CADM2: variants seen among roughly 807,000 people sequenced by gnomAD.
CADM2 encodes immunoglobulin superfamily member 4D.
Under a neutral mutation model 49.8 loss-of-function variants are expected in CADM2, and 12 were observed. The ratio of observed to expected loss-of-function variants is 0.24; its 90% confidence interval spans 0.15 to 0.39. The LOEUF (loss-of-function observed/expected upper bound fraction) is 0.39, where lower values mean the gene tolerates loss of function less well. CADM2 is among the 10% of genes least tolerant of loss of function. The probability of loss-of-function intolerance (pLI) is 1.00; values close to 1 mark genes in which losing one functional copy is unlikely to be tolerated. For missense variants in CADM2, 378 were observed against 492.3 expected (o/e 0.77, Z 2.20); for synonymous variants, 214 against 175.4 (o/e 1.22, Z -1.74).
chr3:86,025,244 C>T (rs909639909), intron 8 of CADM2, among the ~76,000 whole-genome samples: 2 of 151,926 alleles, frequency 1.3e-5, no homozygotes, highest in African/African-American at 4.8e-5. Context: ...TTTAGTAGAG[C>T]CAGGGTTTCA....
At chr3:85,365,182 G>GTTTTTTTTTTTTTTTTTTTTTTTTTTT (rs757075256) in intron 1 of CADM2, among the ~76,000 whole-genome samples, 1 of 100,584 alleles carries the variant, frequency 9.9e-6, no homozygotes. Flanking sequence ...AATTGGGAGG[G>GTTTTTTTTTTTTTTTTTTTTTTTTTTT]TTTTTTTTTT....
At chr3:85,578,735 A>T (rs2062713530) in intron 1 of CADM2, among the ~76,000 whole-genome samples, 1 of 152,220 alleles carries the variant, frequency 6.6e-6, no homozygotes, top group African/African-American at 2.4e-5. Flanking sequence ...TTTAAATTTC[A>T]ATTAAATCAG....
Position 86,068,959 on chromosome 3 carries a change from A to G in CADM2, c.*2176A>G, listed in dbSNP as rs1330877009. The G allele has an allele frequency of 6.6e-6, 1 of 152,078 alleles. No individual in the cohort carries two copies. Among genetic ancestry groups the G allele is most frequent in the Non-Finnish European group, 1.5e-5 (1 of 67,866 alleles). 9.4% of individuals were successfully genotyped at this position (152,078 alleles called of 1,614,324 possible). On this transcript the variant is annotated 3_prime_UTR_variant, in exon 10 of 10. Transcript: ENST00000383699. ...ACTAGAATAGGTTTATAAACTGTTCATATCTTTCAATGCATAATCTTTAGA... is the reference window on the plus strand; with the variant it reads ...ACTAGAATAGGTTTATAAACTGTTCGTATCTTTCAATGCATAATCTTTAGA...
chr3:85,955,074 T>A (rs866989717), intron 7 of CADM2, among the ~76,000 whole-genome samples: 6 of 151,400 alleles, frequency 4.0e-5, no homozygotes, highest in African/African-American at 1.5e-4. Flanking sequence ...ATAAAGTTAC[T>A]GACTATATGA....
chr3:85,582,837 G>A (rs1238248747), intron 1 of CADM2, among the ~76,000 whole-genome samples: 1 of 152,130 alleles, frequency 6.6e-6, no homozygotes, highest in East Asian at 1.9e-4. Flanking sequence ...CTAATAGAGT[G>A]AATGAAATGG....
intron 2 of CADM2, among the ~76,000 whole-genome samples, chr3:85,793,488 G>A (rs1373624211): frequency 6.6e-6 from 1 of 152,160 alleles, no homozygotes; most frequent in African/African-American, 2.4e-5. Context: ...TCAAGGATGG[G>A]TTTCAGAGGT....
At chr3:85,296,097 T>C (rs1293567223) in intron 1 of CADM2, among the ~76,000 whole-genome samples, 2 of 152,220 alleles carry the variant, frequency 1.3e-5, no homozygotes, top group East Asian at 3.9e-4. Context: ...GATATTATAA[T>C]ATTTAACATG....
intron 1 of CADM2, among the ~76,000 whole-genome samples, chr3:85,300,623 G>A (rs1006297376): frequency 2.0e-5 from 3 of 152,062 alleles, no homozygotes; most frequent in African/African-American, 7.2e-5. Context: ...GAAACTAGAG[G>A]TCAAGTTGCT....
intron 1 of CADM2, among the ~76,000 whole-genome samples, chr3:85,100,469 C>T (rs931930985): frequency 5.9e-5 from 9 of 152,140 alleles, no homozygotes; most frequent in African/African-American, 2.2e-4. Flanking sequence ...AATAAAGCAT[C>T]AACCAAAACT....
intron 1 of CADM2, among the ~76,000 whole-genome samples, chr3:85,588,088 A>G (rs903341693): frequency 6.6e-6 from 1 of 151,996 alleles, no homozygotes; most frequent in Non-Finnish European, 1.5e-5. Flanking sequence ...AAGAAGGGGT[A>G]ATTTGTAAAA....
chr3:85,231,820 C>T (rs1299728521), intron 1 of CADM2, among the ~76,000 whole-genome samples: 1 of 150,264 alleles, frequency 6.7e-6, no homozygotes, highest in South Asian at 2.1e-4. Context: ...TCAAGTGATT[C>T]TCCTTCCTCA....
intron 1 of CADM2, among the ~76,000 whole-genome samples, chr3:85,300,940 A>G (rs1215031180): frequency 6.6e-6 from 1 of 152,086 alleles, no homozygotes; most frequent in African/African-American, 2.4e-5. Flanking sequence ...GAAAGTAGGA[A>G]TGAGAGTTAC....
chr3:85,408,473 T>A (rs1393704891), intron 1 of CADM2, among the ~76,000 whole-genome samples: 1 of 152,224 alleles, frequency 6.6e-6, no homozygotes, highest in Non-Finnish European at 1.5e-5. Flanking sequence ...CAGAATTTGT[T>A]AAGTTTTGAT....
intron 1 of CADM2, among the ~76,000 whole-genome samples, chr3:85,171,484 A>G (rs1170449668): frequency 1.3e-5 from 2 of 152,198 alleles, no homozygotes; most frequent in Non-Finnish European, 2.9e-5. Flanking sequence ...TTTCACATTT[A>G]AAGTGCTGTA....
chr3:85,934,863 A>G (rs963101295), intron 6 of CADM2, among the ~76,000 whole-genome samples: 6 of 152,014 alleles, frequency 3.9e-5, no homozygotes, highest in African/African-American at 4.8e-5. Context: ...TGGAGAGTTC[A>G]GAGCCTATTT....
chr3:85,016,907 T>C (rs1186511755), intron 1 of CADM2, among the ~76,000 whole-genome samples: 9 of 152,118 alleles, frequency 5.9e-5, no homozygotes, highest in African/African-American at 2.2e-4. Context: ...TGGAAGTAAA[T>C]ATAACACTTC....
At chr3:85,352,916 A>T (rs990363363) in intron 1 of CADM2, among the ~76,000 whole-genome samples, 6 of 152,138 alleles carry the variant, frequency 3.9e-5, no homozygotes, top group Non-Finnish European at 8.8e-5. Context: ...AATGATGCTA[A>T]GCTTTACAGA....
intron 3 of CADM2, among the ~76,000 whole-genome samples, chr3:85,823,618 T>C (rs1049907855): frequency 6.6e-6 from 1 of 152,180 alleles, no homozygotes; most frequent in African/African-American, 2.4e-5. Context: ...TTGTTAAGAT[T>C]ATCCATAATC....
At chr3:85,878,373 T>G (rs779928344) in intron 3 of CADM2, among the ~76,000 whole-genome samples, 28 of 152,110 alleles carry the variant, frequency 1.8e-4, no homozygotes, top group Non-Finnish European at 3.2e-4. Context: ...AAACTTCATG[T>G]GTTCTGCTTT....
Sources: gnomAD v4.1 joint callset for allele counts (sites outside exome capture counted in the v4.1 genomes callset) on GRCh38, gnomAD v4.1.1 for gene constraint, MANE v1.5 for transcripts, NCBI Gene and HGNC (gene_info 2026-07-23, HGNC 2026-07-21) for gene names.